SNTG2: variants seen among roughly 807,000 people sequenced by gnomAD.
SNTG2 encodes the protein syntrophin gamma 2.
A neutral mutation model predicts 70.9 loss-of-function variants in SNTG2; 74 were observed. The ratio of observed to expected loss-of-function variants is 1.04; its 90% CI spans 0.86 to 1.27. The LOEUF (loss-of-function observed/expected upper bound fraction) is 1.27. Ranked by LOEUF, SNTG2 falls within the 50% of genes most tolerant of loss-of-function variation. SNTG2 has a pLI of 0.00. For missense variants in SNTG2, 717 were observed against 690.7 expected (o/e 1.04, Z -0.43); for synonymous variants, 278 against 273.8 (o/e 1.02, Z -0.15).
chr2:1,228,464 C>A (rs1361907951), intron 9 of SNTG2, among the ~76,000 whole-genome samples: 1 of 152,188 alleles, frequency 6.6e-6, no homozygotes, highest in Non-Finnish European at 1.5e-5. Flanking sequence ...GCCTGCACAC[C>A]CAGGCTCTTG....
intron 6 of SNTG2, among the ~76,000 whole-genome samples, chr2:1,165,253 G>C (rs1320557641): frequency 2.0e-5 from 3 of 152,208 alleles, no homozygotes; most frequent in African/African-American, 7.2e-5. Flanking sequence ...TTTTCTGGTA[G>C]ATTGCATTCA....
chr2:1,352,992 C>G (rs1351756357), intron 16 of SNTG2, among the ~76,000 whole-genome samples: 1 of 152,144 alleles, frequency 6.6e-6, no homozygotes, highest in African/African-American at 2.4e-5. Context: ...CAGTGGGGTC[C>G]TGCCTCACAA....
At chr2:1,261,938 T>C (rs1678434754) in intron 13 of SNTG2, among the ~76,000 whole-genome samples, 2 of 152,134 alleles carry the variant, frequency 1.3e-5, no homozygotes, top group South Asian at 2.1e-4. Flanking sequence ...TTCCACGTGC[T>C]AGAAGCAGTG....
rs1015027741 is a variant in SNTG2, at chr2:1,353,981, G to A, written c.1489-13362G>A. ...TTCTCCGGTGATGGGTGACCTCACCGTTCACATTTTGACAAGCACAGGATA... is the reference window on the plus strand; with the variant it reads ...TTCTCCGGTGATGGGTGACCTCACCATTCACATTTTGACAAGCACAGGATA... On this transcript the variant is annotated intron_variant, in intron 16 of 16. Transcript: ENST00000308624. The surrounding 1 kb of genome is among the most constrained non-coding windows in gnomAD (Gnocchi z 4.2). 5 of 152,184 alleles carry A rather than the reference G, an allele frequency of 3.3e-5. No homozygotes were observed. Among genetic ancestry groups the A allele is most frequent in the East Asian group, 1.9e-4 (1 of 5,192 alleles). 9.4% of individuals were successfully genotyped at this position (152,184 alleles called of 1,614,324 possible). A position where few individuals can be genotyped will look rare whatever the true frequency, so the allele number is the denominator to read the frequency against.
At chr2:1,149,833 T>A (rs1370184087) in intron 6 of SNTG2, among the ~76,000 whole-genome samples, 1 of 150,894 alleles carries the variant, frequency 6.6e-6, no homozygotes, top group Non-Finnish European at 1.5e-5. Flanking sequence ...GACTACAGGC[T>A]CCCGCCACCG....
At chr2:1,118,489 G>A (rs1484598946) in intron 4 of SNTG2, among the ~76,000 whole-genome samples, 1 of 151,946 alleles carries the variant, frequency 6.6e-6, no homozygotes, top group East Asian at 1.9e-4. Context: ...GCACCCTCAG[G>A]CCCATCTGTA....
At chr2:1,201,872 G>T (rs570305309) in intron 8 of SNTG2, among the ~76,000 whole-genome samples, 2 of 152,094 alleles carry the variant, frequency 1.3e-5, no homozygotes, top group South Asian at 4.1e-4. Context: ...AGAATGCAAA[G>T]AATAGGAGTG....
chr2:1,262,653 TAACCGGAAGGCTCAGTCCAGACGAGGC>T (rs1558610636), intron 13 of SNTG2, among the ~76,000 whole-genome samples: 13 of 114,262 alleles, frequency 1.1e-4, no homozygotes, highest in East Asian at 7.0e-4. Context: ...CCAGACGTAG[TAACCGGAAGGCTCAGTCCAGACGAGGC>T]AACCGGAAGG....
chr2:1,266,369 C>A (rs543588375), intron 13 of SNTG2, among the ~76,000 whole-genome samples: 2 of 152,324 alleles, frequency 1.3e-5, no homozygotes, highest in African/African-American at 2.4e-5. Flanking sequence ...GTGGGGAGCT[C>A]CCCAGGCTGC....
chr2:1,236,467 C>T (rs1676667299), intron 9 of SNTG2, among the ~76,000 whole-genome samples: 1 of 152,306 alleles, frequency 6.6e-6, no homozygotes, highest in Non-Finnish European at 1.5e-5. Flanking sequence ...GACCTGCTTC[C>T]TCTGGCTTCT....
At chr2:988,813 TTATGTGTA>T (rs1661410347) in intron 1 of SNTG2, among the ~76,000 whole-genome samples, 1 of 152,210 alleles carries the variant, frequency 6.6e-6, no homozygotes, top group African/African-American at 2.4e-5. Flanking sequence ...AATTGTGATT[TTATGTGTA>T]TATAGCTCAA....
chr2:1,286,031 C>A (rs1202433956), intron 14 of SNTG2, among the ~76,000 whole-genome samples: 1 of 152,216 alleles, frequency 6.6e-6, no homozygotes, highest in East Asian at 1.9e-4. Context: ...CACTGTAACT[C>A]CTCTCTTAGC....
chr2:972,083 A>G (rs1312922774), intron 1 of SNTG2, among the ~76,000 whole-genome samples: 1 of 152,122 alleles, frequency 6.6e-6, no homozygotes. Context: ...TAGAGTTTCT[A>G]ATATGTGCAG....
intron 16 of SNTG2, among the ~76,000 whole-genome samples, chr2:1,357,407 G>T (rs1463423834): frequency 2.0e-5 from 3 of 152,044 alleles, no homozygotes; most frequent in African/African-American, 7.2e-5. Context: ...CATGTGATTT[G>T]TACCCCTATG....
chr2:969,205 A>G (rs569501229), intron 1 of SNTG2, among the ~76,000 whole-genome samples: 21 of 152,000 alleles, frequency 1.4e-4, no homozygotes, highest in Admixed American at 9.8e-4. Flanking sequence ...TGGGCTTGCT[A>G]CTCGGTTCCA....
At chr2:1,132,272 C>T (rs1668076971) in intron 4 of SNTG2, among the ~76,000 whole-genome samples, 1 of 151,790 alleles carries the variant, frequency 6.6e-6, no homozygotes, top group Admixed American at 6.6e-5. Context: ...CATACATACA[C>T]ACATACATGC....
At chr2:951,371 T>C (rs6720697) in intron 1 of SNTG2, among the ~76,000 whole-genome samples, 53,317 of 152,194 alleles carry the variant, frequency 0.35, 9,954 homozygotes, top group African/African-American at 0.47. Flanking sequence ...TGGGAAGTAG[T>C]GCTTTCCAGA....
chr2:1,172,081 G>A (rs1671164549), intron 7 of SNTG2, among the ~76,000 whole-genome samples: 1 of 152,194 alleles, frequency 6.6e-6, no homozygotes, highest in Non-Finnish European at 1.5e-5. Context: ...GGTCTTTCCT[G>A]CAAGAAGCCA....
chr2:1,059,696 A>G (rs375622029), intron 1 of SNTG2, among the ~76,000 whole-genome samples: 1 of 152,228 alleles, frequency 6.6e-6, no homozygotes, highest in Admixed American at 6.5e-5. Flanking sequence ...AGAGGGCATA[A>G]CATGAATAAT....
Sources: gnomAD v4.1 joint callset for allele counts (sites outside exome capture counted in the v4.1 genomes callset) on GRCh38, gnomAD v4.1.1 for gene constraint, Gnocchi (gnomAD v3.1) non-coding constraint, MANE v1.5 for transcripts, NCBI Gene and HGNC (gene_info 2026-07-23, HGNC 2026-07-21) for gene names.